Variants in ATP13A5 observed in about 807,000 individuals in gnomAD.
ATP13A5 encodes probable cation-transporting ATPase 13A5.
In ATP13A5, 149 loss-of-function variants were observed where a neutral mutation model predicts 150.2. The observed-to-expected ratio is 0.99, with a 90% CI of 0.87 to 1.14. ATP13A5 has a LOEUF of 1.14. Ranked by LOEUF, ATP13A5 falls within the 50% of genes most tolerant of loss-of-function variation. The pLI is 0.00. For synonymous variants in ATP13A5, 497 were observed against 522.2 expected, an observed-to-expected ratio of 0.95 and a Z score of 0.66; for missense variants, 1,383 against 1,449.3, an observed-to-expected ratio of 0.95 and a Z score of 0.74.
At chr3:193,315,156 T>G (rs1719004071) in intron 17 of ATP13A5, 60 bp from the exon 18 acceptor site, 1 of 1,498,140 alleles carries the variant, frequency 6.7e-7, no homozygotes, top group South Asian at 1.3e-5. Flanking sequence ...ATAGTTCAAT[T>G]TATTTCTTCT....
At chr3:193,293,406 C>T (rs1332667498) in intron 25 of ATP13A5, among the ~76,000 whole-genome samples, 1 of 152,086 alleles carries the variant, frequency 6.6e-6, no homozygotes, top group Non-Finnish European at 1.5e-5. Flanking sequence ...GTTCCCACAA[C>T]ACATTACTCA....
At chr3:193,282,397 C>T (rs1258496516) in intron 27 of ATP13A5, among the ~76,000 whole-genome samples, 6 of 150,090 alleles carry the variant, frequency 4.0e-5, no homozygotes, top group South Asian at 2.1e-4. Flanking sequence ...TTTTTTGAGA[C>T]GGAGTCTCGC....
At chr3:193,331,504 T>C (rs138789125) in intron 11 of ATP13A5, among the ~76,000 whole-genome samples, 193 bp from the exon 12 acceptor site, 25 of 152,298 alleles carry the variant, frequency 1.6e-4, no homozygotes, top group African/African-American at 5.8e-4. Context: ...CAAGCTTGAC[T>C]GTTGGCTTAT....
At chr3:193,355,399 G>T (rs983957317) in intron 5 of ATP13A5, among the ~76,000 whole-genome samples, 2 of 152,098 alleles carry the variant, frequency 1.3e-5, no homozygotes, top group Admixed American at 6.5e-5. Flanking sequence ...TTCCAGGATC[G>T]CAAAGCTAGA....
intron 18 of ATP13A5, among the ~76,000 whole-genome samples, chr3:193,314,670 G>C (rs1260990399): frequency 6.6e-6 from 1 of 152,078 alleles, no homozygotes; most frequent in Non-Finnish European, 1.5e-5. Flanking sequence ...AGGGATCACT[G>C]GGTTTCTTGA....
intron 1 of ATP13A5, among the ~76,000 whole-genome samples, chr3:193,365,023 C>T (rs1441342890): frequency 1.3e-5 from 2 of 152,222 alleles, no homozygotes; most frequent in Middle Eastern, 3.4e-3. Flanking sequence ...AGGCCAATTC[C>T]TAGTTCCCAA....
At chr3:193,371,048 AC>A (rs1713420375) in intron 1 of ATP13A5, among the ~76,000 whole-genome samples, 1 of 152,140 alleles carries the variant, frequency 6.6e-6, no homozygotes, top group Non-Finnish European at 1.5e-5. Context: ...GCAACTAAGG[AC>A]CTTTGTTTGG....
intron 10 of ATP13A5, 65 bp from the exon 11 acceptor site, chr3:193,333,972 C>T: frequency 6.7e-7 from 1 of 1,484,714 alleles, no homozygotes; most frequent in Non-Finnish European, 9.2e-7. Flanking sequence ...CTAAAAATGG[C>T]TTTACTGTCT....
At chr3:193,368,393 TG>T (rs1713325246) in intron 1 of ATP13A5, among the ~76,000 whole-genome samples, 1 of 606 alleles carries the variant, frequency 1.7e-3, no homozygotes, top group Non-Finnish European at 2.8e-3. Context: ...TCTTCAGACT[TG>T]TGTGTGTGTG....
intron 26 of ATP13A5, among the ~76,000 whole-genome samples, chr3:193,286,398 G>C (rs1369162803): frequency 6.6e-6 from 1 of 151,990 alleles, no homozygotes; most frequent in African/African-American, 2.4e-5. Context: ...TGGCAACCTT[G>C]CATCTAGCAA....
chr3:193,370,423 T>A (rs918575757), intron 1 of ATP13A5, among the ~76,000 whole-genome samples: 1 of 152,206 alleles, frequency 6.6e-6, no homozygotes, highest in Non-Finnish European at 1.5e-5. Context: ...ATTTTTCGTG[T>A]GAAAAATGTG....
intron 19 of ATP13A5, among the ~76,000 whole-genome samples, chr3:193,312,481 T>G (rs1200780480): frequency 6.6e-6 from 1 of 152,162 alleles, no homozygotes. Context: ...ATACTCTACA[T>G]CCCACTGCAG....
chr3:193,374,208 G>T (rs9824145), intron 1 of ATP13A5, among the ~76,000 whole-genome samples: 227 of 152,060 alleles, frequency 1.5e-3, no homozygotes, highest in African/African-American at 5.3e-3. Flanking sequence ...ATACCTATCG[G>T]TCATTGAGAA....
At chr3:193,329,821 A>G (rs1290258734) in intron 12 of ATP13A5, among the ~76,000 whole-genome samples, 2 of 152,114 alleles carry the variant, frequency 1.3e-5, no homozygotes, top group African/African-American at 2.4e-5. Context: ...GGGACAAGCA[A>G]TGATCTCTTC....
intron 25 of ATP13A5, among the ~76,000 whole-genome samples, chr3:193,294,696 T>C (rs1377114427): frequency 6.6e-6 from 1 of 152,098 alleles, no homozygotes. Flanking sequence ...GTAATGAGAA[T>C]ACAGATACTC....
chr3:193,366,911 A>C (rs1182975995), intron 1 of ATP13A5, among the ~76,000 whole-genome samples: 1 of 152,090 alleles, frequency 6.6e-6, no homozygotes, highest in Non-Finnish European at 1.5e-5. Context: ...AAATTCCCAA[A>C]TATTTGGAAA....
intron 17 of ATP13A5, among the ~76,000 whole-genome samples, chr3:193,315,868 A>ATGTG (rs61384719): frequency 0.86 from 129,719 of 151,152 alleles, 55,931 homozygotes; most frequent in East Asian, 0.98. Flanking sequence ...ACCCTGTTTT[A>ATGTG]TGTGTGTGTG....
rs1263068804 is a variant in ATP13A5, at chr3:193,331,215, C to T, written c.1369G>A (p.Ala457Thr). 3 of 1,614,070 alleles carry T rather than the reference C, an allele frequency of 1.9e-6. No individual in the cohort carries two copies. Among genetic ancestry groups the T allele is most frequent in the South Asian group, 2.2e-5 (2 of 91,072 alleles). The change falls in exon 12 of 30, where the codon GCT (alanine) becomes ACT (threonine). Residue 457 changes from alanine to threonine, a missense_variant. This residue lies in a region of ATP13A5 where 787 missense variants were observed against 771.9 expected (regional missense o/e 1.02). Transcript: ENST00000342358. Reference sequence around the variant, plus strand: ...TTCTTTTTCTTCAGTCTCTTCTGAGCATACACGTTGCCTATGGTCAGGGCA... The same window carrying T: ...TTCTTTTTCTTCAGTCTCTTCTGAGTATACACGTTGCCTATGGTCAGGGCA... ...PAALTIGNVY[A>T]QKRLKKKKIF...
intron 9 of ATP13A5, among the ~76,000 whole-genome samples, chr3:193,340,887 CTA>C (rs1218461177): frequency 6.6e-6 from 1 of 152,136 alleles, no homozygotes; most frequent in African/African-American, 2.4e-5. Context: ...TTTTTCACTG[CTA>C]TGTCACCTGC....
Sources: gnomAD v4.1 joint callset for allele counts (sites outside exome capture counted in the v4.1 genomes callset) on GRCh38, gnomAD v4.1.1 for gene constraint, gnomAD v4.1.1 regional missense constraint, MANE v1.5 for transcripts, NCBI Gene and HGNC (gene_info 2026-07-23, HGNC 2026-07-21) for gene names.